NAV3: variants seen among roughly 807,000 people sequenced by gnomAD.
NAV3 encodes the protein pore membrane and/or filament interacting like protein 1.
In NAV3, 87 loss-of-function variants were observed where a neutral mutation model predicts 244.7. The observed-to-expected ratio is 0.36, with a 90% CI of 0.30 to 0.42. The LOEUF is 0.42. Among genes scored for constraint, NAV3 ranks in the 20% least tolerant of loss-of-function variants. NAV3 has a pLI of 1.00. For missense variants in NAV3, 2,663 were observed against 2,893.3 expected, an observed-to-expected ratio of 0.92 and a Z score of 1.83; for synonymous variants, 1,126 against 1,042.2, an observed-to-expected ratio of 1.08 and a Z score of -1.55.
intron 2 of NAV3, among the ~76,000 whole-genome samples, chr12:77,737,564 G>A (rs1429251982): frequency 6.6e-6 from 1 of 152,052 alleles, no homozygotes; most frequent in Non-Finnish European, 1.5e-5. Flanking sequence ...AGTGAGGAGG[G>A]AGTAAGGGTG....
chr12:78,026,398 T>C (rs562230921), intron 9 of NAV3, among the ~76,000 whole-genome samples: 77 of 152,334 alleles, frequency 5.1e-4, no homozygotes, highest in Admixed American at 1.7e-3. Flanking sequence ...TTTTGATTAA[T>C]AAGAATTTCA....
chr12:77,964,270 T>C (rs958640542), intron 3 of NAV3, among the ~76,000 whole-genome samples: 2 of 152,252 alleles, frequency 1.3e-5, no homozygotes, highest in African/African-American at 4.8e-5. Flanking sequence ...TGTTCATGTA[T>C]AATATGAGTA....
chr12:78,162,891 A>AATATAATATAAATATATATAATATATAAT (rs1957613501), intron 23 of NAV3, among the ~76,000 whole-genome samples: 1 of 127,764 alleles, frequency 7.8e-6, no homozygotes, highest in South Asian at 2.3e-4. Context: ...TAATATATAT[A>AATATAATATAAATATATATAATATATAAT]ATATATATAT....
intron 2 of NAV3, among the ~76,000 whole-genome samples, chr12:77,712,822 CTT>C (rs1370392386): frequency 2.0e-5 from 3 of 152,168 alleles, no homozygotes; most frequent in African/African-American, 7.2e-5. Context: ...ACAAATGACT[CTT>C]ATTGACATAT....
At chr12:78,052,512 G>T (rs977624898) in intron 11 of NAV3, among the ~76,000 whole-genome samples, 3 of 152,148 alleles carry the variant, frequency 2.0e-5, no homozygotes, top group African/African-American at 7.2e-5. Flanking sequence ...TCATGAAGTT[G>T]TTAGGATCAT....
intron 2 of NAV3, among the ~76,000 whole-genome samples, chr12:77,680,758 C>T (rs537082374): frequency 2.6e-5 from 4 of 151,550 alleles, no homozygotes; most frequent in South Asian, 2.1e-4. Flanking sequence ...TCTATACACA[C>T]GAGAATGGAA....
intron 3 of NAV3, among the ~76,000 whole-genome samples, chr12:77,962,095 G>A (rs1001204865): frequency 5.3e-5 from 8 of 151,734 alleles, no homozygotes; most frequent in African/African-American, 1.9e-4. Flanking sequence ...GTGGTTTTCT[G>A]TACCCCATCC....
At chr12:77,965,781 C>A (rs1892459008) in intron 3 of NAV3, among the ~76,000 whole-genome samples, 1 of 152,164 alleles carries the variant, frequency 6.6e-6, no homozygotes, top group African/African-American at 2.4e-5. Flanking sequence ...AAATATGCTT[C>A]ATTTTCATGT....
At chr12:77,583,834 C>G (rs578045005) in intron 2 of NAV3, among the ~76,000 whole-genome samples, 1 of 152,180 alleles carries the variant, frequency 6.6e-6, no homozygotes. Flanking sequence ...CCCATTCCCC[C>G]TCCAACCTGT....
intron 2 of NAV3, among the ~76,000 whole-genome samples, chr12:77,691,370 T>C (rs1875023374): frequency 7.2e-6 from 1 of 138,562 alleles, no homozygotes; most frequent in Non-Finnish European, 1.6e-5. Context: ...TCCATTCTTG[T>C]ACTTTTTCTG....
chr12:77,968,755 T>A, intron 5 of NAV3, 53 bp downstream of exon 5: 1 of 1,545,026 alleles, frequency 6.5e-7, no homozygotes, highest in African/African-American at 1.4e-5. Context: ...TAGATACAAC[T>A]TGTTTTTAAC....
chr12:77,711,085 T>G (rs1369857329), intron 2 of NAV3, among the ~76,000 whole-genome samples: 1 of 152,224 alleles, frequency 6.6e-6, no homozygotes, highest in Non-Finnish European at 1.5e-5. Flanking sequence ...GGAAATTATG[T>G]ATGTTGGAAA....
chr12:77,948,854 T>C (rs1182086143), intron 3 of NAV3, among the ~76,000 whole-genome samples: 1 of 151,892 alleles, frequency 6.6e-6, no homozygotes, highest in African/African-American at 2.4e-5. Flanking sequence ...TGATAGTTTA[T>C]ATATTTAAAT....
intron 12 of NAV3, among the ~76,000 whole-genome samples, chr12:78,103,048 A>C (rs1451769866): frequency 6.6e-6 from 1 of 152,216 alleles, no homozygotes; most frequent in Non-Finnish European, 1.5e-5. Context: ...AGATTTCTGC[A>C]GCCAGCTGAA....
At chr12:77,953,657 A>G (rs544372223) in intron 3 of NAV3, among the ~76,000 whole-genome samples, 1 of 152,302 alleles carries the variant, frequency 6.6e-6, no homozygotes, top group East Asian at 1.9e-4. Flanking sequence ...GAGATGGGAA[A>G]GGAAAGCCCG....
intron 1 of NAV3, among the ~76,000 whole-genome samples, chr12:77,916,214 G>A (rs1279684816): frequency 2.0e-5 from 3 of 151,972 alleles, no homozygotes; most frequent in African/African-American, 7.2e-5. Context: ...GATTTAGATT[G>A]CACCATAATG....
At chr12:77,783,047 G>A (rs1592679373) in intron 2 of NAV3, among the ~76,000 whole-genome samples, 1 of 151,676 alleles carries the variant, frequency 6.6e-6, no homozygotes, top group East Asian at 1.9e-4. Flanking sequence ...CTCATCACAA[G>A]CATCTTGAAA....
At chr12:77,838,867 TA>T (rs1875124872) in intron 1 of NAV3, among the ~76,000 whole-genome samples, 1 of 152,226 alleles carries the variant, frequency 6.6e-6, no homozygotes. Flanking sequence ...CTGTATTTGT[TA>T]AAAAATGAAA....
chr12:78,017,021 G>T lies in NAV3; in HGVS notation c.1908-4726G>T, dbSNP rs1005789329. On this transcript the variant is annotated intron_variant, in intron 8 of 39. Coordinates refer to ENST00000397909, the MANE Select transcript of NAV3 (RefSeq NM_001024383.2). ...AAACTGCAGGGTAGTAGTTAATAGA[G>T]CAACATTTACAGGTAGCCAGATTCA... 2.0e-5 allele frequency among the ~76,000 whole-genome samples: 3 copies of T among 152,150 alleles called. 1 individual carries two copies. The South Asian group carries it at 6.2e-4, about 32-fold the overall frequency.
Sources: allele counts gnomAD v4.1 joint callset (sites outside exome capture counted in the v4.1 genomes callset), GRCh38; gene constraint gnomAD v4.1.1; transcripts MANE v1.5; gene names NCBI Gene and HGNC (gene_info 2026-07-23, HGNC 2026-07-21).